EPHX2: variants seen among roughly 807,000 people sequenced by gnomAD.
EPHX2 encodes bifunctional epoxide hydrolase 2.
EPHX2 carries 74 observed loss-of-function variants against 78.7 expected under a neutral mutation model. The observed-to-expected ratio is 0.94, with a 90% confidence interval of 0.78 to 1.14. The LOEUF (loss-of-function observed/expected upper bound fraction) is 1.14. Ranked by LOEUF, EPHX2 falls within the 50% of genes most tolerant of loss-of-function variation. EPHX2 has a pLI of 0.00. For synonymous variants in EPHX2, 251 were observed against 255.2 expected (o/e 0.98, Z 0.16); for missense variants, 715 against 702.5 (o/e 1.02, Z -0.20).
chr8:27,507,049 C>G, intron 5 of EPHX2, 55 bp downstream of exon 5: 7 of 1,593,426 alleles, frequency 4.4e-6, no homozygotes, highest in Non-Finnish European at 6.0e-6. Context: ...GGTTTCTGGA[C>G]TCAGGAGAAA....
chr8:27,533,615 TCTCA>T (rs1289978539), intron 12 of EPHX2, among the ~76,000 whole-genome samples: 1 of 152,154 alleles, frequency 6.6e-6, no homozygotes, highest in African/African-American at 2.4e-5. Context: ...AGAGACAGGG[TCTCA>T]CTCTGTTGCC....
At chr8:27,492,246 G>A (rs1223017160) in intron 1 of EPHX2, among the ~76,000 whole-genome samples, 1 of 152,178 alleles carries the variant, frequency 6.6e-6, no homozygotes, top group African/African-American at 2.4e-5. Flanking sequence ...TTGAGGGAAA[G>A]GCATGTAATC....
chr8:27,492,162 G>A (rs1813402987), intron 1 of EPHX2, among the ~76,000 whole-genome samples: 1 of 152,156 alleles, frequency 6.6e-6, no homozygotes, highest in African/African-American at 2.4e-5. Flanking sequence ...AGCAGAGCCA[G>A]AAATCCAACC....
chr8:27,531,445 C>T (rs560375975), intron 12 of EPHX2, among the ~76,000 whole-genome samples: 74 of 152,350 alleles, frequency 4.9e-4, no homozygotes, highest in South Asian at 4.4e-3. Context: ...GCCCAGATTT[C>T]GGATGCTTCC....
rs779488917 is a variant in EPHX2, at chr8:27,520,961, G to A, written c.972+52G>A. ...TTTGGAGAATTCCTTTGGGGCCTGG[G>A]TAATTAAAGAAAAGGCGTCAGCCTC... On this transcript the variant is annotated intron_variant, in intron 10 of 18. Transcript: ENST00000521400. 1.6e-5 allele frequency: 25 copies of A among 1,611,350 alleles called. No individual in the cohort carries two copies. The South Asian group carries it at 2.3e-4, about 15-fold the overall frequency.
chr8:27,508,852 G>C (rs1814121360), intron 5 of EPHX2, among the ~76,000 whole-genome samples: 1 of 148,876 alleles, frequency 6.7e-6, no homozygotes, highest in Non-Finnish European at 1.5e-5. Flanking sequence ...CTCACCTCCA[G>C]AACTTTTTCA....
At chr8:27,536,020 T>C (rs1470993929) in intron 12 of EPHX2, among the ~76,000 whole-genome samples, 2 of 152,184 alleles carry the variant, frequency 1.3e-5, no homozygotes, top group African/African-American at 4.8e-5. Flanking sequence ...ATTCCCACCA[T>C]ACACAAGCCA....
chr8:27,512,252 G>T (rs988562803), intron 6 of EPHX2, among the ~76,000 whole-genome samples: 5 of 152,222 alleles, frequency 3.3e-5, no homozygotes, highest in African/African-American at 1.2e-4. Context: ...CTATAAAGCA[G>T]TGTGACTGAT....
chr8:27,495,074 A>G (rs1365979438), intron 1 of EPHX2, among the ~76,000 whole-genome samples: 1 of 152,212 alleles, frequency 6.6e-6, no homozygotes, highest in Non-Finnish European at 1.5e-5. Context: ...TGGCTTTGGC[A>G]GTGTAAGACT....
chr8:27,537,049 A>G (rs897160896), intron 13 of EPHX2, among the ~76,000 whole-genome samples, 194 bp downstream of exon 13: 4 of 152,234 alleles, frequency 2.6e-5, no homozygotes, highest in Non-Finnish European at 5.9e-5. Flanking sequence ...GAGAATGATT[A>G]TAATAATGAT....
intron 15 of EPHX2, 82 bp downstream of exon 15, chr8:27,540,738 C>G (rs1815371912): frequency 7.6e-7 from 1 of 1,320,300 alleles, no homozygotes; most frequent in Non-Finnish European, 1.1e-6. Flanking sequence ...GAGGGTGAGG[C>G]CCAGTTCTCC....
In EPHX2 at chr8:27,503,687, A is replaced by G. The variant is rs750468213; in HGVS notation, c.270A>G (p.Glu90=). The G allele has an allele frequency of 8.1e-6, 13 of 1,613,984 alleles. No individual in the cohort carries two copies. In the Admixed American group the frequency reaches 2.2e-4, roughly 27 times the overall value. ...VCLPKNFSIK[E]IFDKAISARK... Reference sequence around the variant, plus strand: ...TCCCCAAGAATTTCTCCATAAAAGAAATCTTTGACAAGGCGATTTCAGCCA... The same window carrying G: ...TCCCCAAGAATTTCTCCATAAAAGAGATCTTTGACAAGGCGATTTCAGCCA... Residue 90 remains glutamate (E), a synonymous_variant, in exon 3 of 19, where the codon GAA becomes GAG. Coordinates refer to ENST00000521400, the MANE Select transcript of EPHX2 (RefSeq NM_001979.6).
chr8:27,544,708 A>G lies in EPHX2; in HGVS notation c.*186A>G. The G allele has an allele frequency of 1.6e-6, 1 of 628,804 alleles. No homozygotes were observed. Among genetic ancestry groups the G allele is most frequent in the Non-Finnish European group, 2.8e-6 (1 of 361,662 alleles). The allele number at this position is 628,804 out of a possible 1,614,324, so 39.0% of individuals were successfully genotyped here. ...CAAATTTGACATTATTTTAGATCCC[A>G]GAGAAATCAGGTGTGATTAGTTCTC... is the stretch of plus-strand genomic sequence containing the variant. On this transcript the variant is annotated 3_prime_UTR_variant, in exon 19 of 19. Coordinates refer to ENST00000521400, the MANE Select transcript of EPHX2 (RefSeq NM_001979.6).
intron 16 of EPHX2, among the ~76,000 whole-genome samples, chr8:27,543,484 C>T (rs1193236832): frequency 6.6e-6 from 1 of 152,112 alleles, no homozygotes; most frequent in Non-Finnish European, 1.5e-5. Context: ...CTTCTTGGTG[C>T]CATCAATTCG....
At chr8:27,505,303 C>G (rs1474003051) in intron 4 of EPHX2, among the ~76,000 whole-genome samples, 157 bp downstream of exon 4, 5 of 152,204 alleles carry the variant, frequency 3.3e-5, no homozygotes, top group Non-Finnish European at 7.3e-5. Flanking sequence ...GACTGTTACC[C>G]ATTCTTTGAT....
chr8:27,528,017 G>A (rs1337240916), intron 12 of EPHX2, among the ~76,000 whole-genome samples: 1 of 152,150 alleles, frequency 6.6e-6, no homozygotes, highest in Non-Finnish European at 1.5e-5. Context: ...TGCTGGAGGG[G>A]AGCTTGGGCT....
intron 12 of EPHX2, among the ~76,000 whole-genome samples, chr8:27,526,108 A>C (rs916681910): frequency 1.1e-4 from 16 of 152,164 alleles, no homozygotes; most frequent in African/African-American, 3.6e-4. Context: ...TTTCCTGCAC[A>C]CTCCAGAGAG....
intron 5 of EPHX2, among the ~76,000 whole-genome samples, chr8:27,510,592 A>G (rs1814201839): frequency 1.3e-5 from 2 of 152,112 alleles, no homozygotes; most frequent in African/African-American, 4.8e-5. Flanking sequence ...GCGTTCAAGG[A>G]GGTAATGAAG....
rs1395998578 is a variant in EPHX2 at position 27,503,623 on chromosome 8, A to T, written c.206A>T (p.Glu69Val). Reference sequence around the variant, plus strand: ...TGACAGTGGATACCACTCATGGAAGAAAACTGCAGGAAGTGCTCCGAGACC... The same window carrying T: ...TGACAGTGGATACCACTCATGGAAGTAAACTGCAGGAAGTGCTCCGAGACC... The part of the protein sequence containing the change: ...TLSQWIPLME[E>V]NCRKCSETAK... The change falls in exon 3 of 19, where the codon GAA becomes GTA. Residue 69 changes from glutamate to valine, a missense_variant. Glu to Val is a moderately radical substitution (Grantham distance 121). Transcript: ENST00000521400. 1 of 1,612,276 alleles carries T rather than the reference A, an allele frequency of 6.2e-7. No homozygotes were observed. The highest frequency in any genetic ancestry group is 1.7e-5 in the Admixed American group (1 of 59,752).
Sources: allele counts gnomAD v4.1 joint callset (sites outside exome capture counted in the v4.1 genomes callset), GRCh38; gene constraint gnomAD v4.1.1; transcripts MANE v1.5; gene names NCBI Gene and HGNC (gene_info 2026-07-23, HGNC 2026-07-21).